ABTB3: variants seen among roughly 807,000 people sequenced by gnomAD.
The protein encoded by ABTB3 is ankyrin repeat and BTB domain containing 3, also known as ankyrin repeat- and BTB/POZ domain-containing protein 3.
chr12:107,383,802 G>A, the ABTB3 span, among the ~76,000 whole-genome samples: 1 of 152,206 alleles, frequency 6.6e-6, no homozygotes, highest in Non-Finnish European at 1.5e-5. Context: ...CTGATTTATG[G>A]AAATGGTGTG....
chr12:107,579,797 C>T, the ABTB3 span, among the ~76,000 whole-genome samples: 1 of 152,176 alleles, frequency 6.6e-6, no homozygotes, highest in Non-Finnish European at 1.5e-5. Flanking sequence ...AGTTTTGCAC[C>T]CAGGGAACCC....
At chr12:107,377,158 C>T in the ABTB3 span, among the ~76,000 whole-genome samples, 6 of 152,118 alleles carry the variant, frequency 3.9e-5, no homozygotes, top group Non-Finnish European at 1.5e-5. Context: ...CAAAGTCTCA[C>T]CCCTCTCCCT....
At chr12:107,657,583 C>T in the ABTB3 span, 27 of 1,614,054 alleles carry the variant, frequency 1.7e-5, no homozygotes, top group East Asian at 1.1e-4. Flanking sequence ...TCATTGAAAA[C>T]GAAGCATTCA....
chr12:107,505,021 G>A, the ABTB3 span, among the ~76,000 whole-genome samples: 6 of 152,194 alleles, frequency 3.9e-5, no homozygotes, highest in African/African-American at 1.4e-4. Flanking sequence ...ACAAGTGTCA[G>A]TGAGACACAG....
At chr12:107,409,460 C>T in the ABTB3 span, among the ~76,000 whole-genome samples, 1 of 152,344 alleles carries the variant, frequency 6.6e-6, no homozygotes, top group Admixed American at 6.5e-5. Flanking sequence ...GATACATGCA[C>T]CTGTATGTGC....
the ABTB3 span, among the ~76,000 whole-genome samples, chr12:107,354,745 A>C: frequency 2.0e-5 from 3 of 152,154 alleles, no homozygotes; most frequent in Admixed American, 2.0e-4. Context: ...ACTTCTCCAC[A>C]TGCTTGCCGA....
the ABTB3 span, among the ~76,000 whole-genome samples, chr12:107,504,516 T>C: frequency 1.3e-5 from 2 of 152,246 alleles, no homozygotes; most frequent in African/African-American, 4.8e-5. Context: ...CACCAGGCTG[T>C]TTAATTAAAG....
the ABTB3 span, among the ~76,000 whole-genome samples, chr12:107,510,965 T>G: frequency 6.6e-6 from 1 of 152,164 alleles, no homozygotes; most frequent in Non-Finnish European, 1.5e-5. Flanking sequence ...AGGTGACATT[T>G]CAGCAAAGAG....
chr12:107,612,135 C>T, the ABTB3 span, among the ~76,000 whole-genome samples: 20 of 152,278 alleles, frequency 1.3e-4, no homozygotes, highest in Middle Eastern at 3.4e-3. Flanking sequence ...CCCAAATAAC[C>T]GACTTTGTGA....
chr12:107,658,344 T>C, the ABTB3 span: 5 of 153,028 alleles, frequency 3.3e-5, no homozygotes, highest in Admixed American at 1.3e-4. Flanking sequence ...ATTTCTTTTT[T>C]TTTTTTAAAT....
the ABTB3 span, among the ~76,000 whole-genome samples, chr12:107,550,935 C>T: frequency 2.0e-5 from 3 of 152,184 alleles, no homozygotes; most frequent in Admixed American, 2.0e-4. Flanking sequence ...ATCATTTGCA[C>T]AGGCCAGCAC....
At chr12:107,610,362 G>A in the ABTB3 span, 1 of 1,613,540 alleles carries the variant, frequency 6.2e-7, no homozygotes, top group Non-Finnish European at 8.5e-7. Context: ...ACAGGTACAG[G>A]GTCCGAGGGT....
chr12:107,524,118 T>C, the ABTB3 span, among the ~76,000 whole-genome samples: 3 of 152,244 alleles, frequency 2.0e-5, no homozygotes, highest in Non-Finnish European at 2.9e-5. Context: ...ATTTGCTCTG[T>C]AAATTAAATG....
the ABTB3 span, among the ~76,000 whole-genome samples, chr12:107,562,893 T>C: frequency 1.3e-5 from 2 of 152,238 alleles, no homozygotes; most frequent in Non-Finnish European, 2.9e-5. Flanking sequence ...GTGACACTTT[T>C]GCCAGCCTTT....
the ABTB3 span, among the ~76,000 whole-genome samples, chr12:107,646,989 G>A: frequency 6.6e-6 from 1 of 152,132 alleles, no homozygotes; most frequent in Non-Finnish European, 1.5e-5. Flanking sequence ...AGAAGAGAGG[G>A]TGGGAGGTTC....
At chr12:107,503,756 C>CAAAA in the ABTB3 span, among the ~76,000 whole-genome samples, 27 of 70,676 alleles carry the variant, frequency 3.8e-4, no homozygotes, top group Admixed American at 1.3e-3. Flanking sequence ...GACCCTATCT[C>CAAAA]AAAAAAAAAA....
At chr12:107,420,409 C>A in the ABTB3 span, among the ~76,000 whole-genome samples, 1 of 152,174 alleles carries the variant, frequency 6.6e-6, no homozygotes, top group African/African-American at 2.4e-5. Context: ...AAAGGAAGAG[C>A]AAAGGCATGT....
the ABTB3 span, chr12:107,620,005 C>T: frequency 7.4e-6 from 12 of 1,613,474 alleles, no homozygotes; most frequent in East Asian, 6.7e-5. Context: ...GGACTCTGCA[C>T]ACGTGGCTGG....
chr12:107,564,390 C>A, the ABTB3 span, among the ~76,000 whole-genome samples: 1 of 152,162 alleles, frequency 6.6e-6, no homozygotes, highest in Non-Finnish European at 1.5e-5. Context: ...GGCTTAAAGA[C>A]CCAGTCTAAT....
Sources: gnomAD v4.1 joint callset for allele counts (sites outside exome capture counted in the v4.1 genomes callset) on GRCh38, gnomAD v4.1.1 for gene constraint, MANE v1.5 for transcripts, NCBI Gene and HGNC (gene_info 2026-07-23, HGNC 2026-07-21) for gene names.